Variants in BBS2 observed in about 807,000 individuals in gnomAD.
The protein encoded by BBS2 is Bardet-Biedl syndrome 2.
In BBS2, 62 loss-of-function variants were observed where a neutral mutation model predicts 83.0. The observed-to-expected ratio is 0.75, with a 90% CI of 0.61 to 0.92. BBS2 has a LOEUF of 0.92. Ranked by LOEUF, BBS2 falls within the 40% of genes least tolerant of loss-of-function variation. The pLI, the probability that BBS2 is intolerant of heterozygous loss-of-function variation, is 0.00. For missense variants in BBS2, 784 were observed against 901.0 expected, an observed-to-expected ratio of 0.87 and a Z score of 1.66; for synonymous variants, 303 against 326.1, an observed-to-expected ratio of 0.93 and a Z score of 0.76.
chr16:56,473,360 T>C (rs1460558139), intron 17 of BBS2, among the ~76,000 whole-genome samples: 1 of 152,256 alleles, frequency 6.6e-6, no homozygotes, highest in African/African-American at 2.4e-5. Context: ...TTGCAATCTA[T>C]TGGATCAGAT....
intron 15 of BBS2, among the ~76,000 whole-genome samples, chr16:56,490,151 A>ACACAC (rs1555520686): frequency 6.0e-5 from 9 of 149,446 alleles, no homozygotes; most frequent in African/African-American, 1.8e-4. Flanking sequence ...CACACACACA[A>ACACAC]AAATAATAAT....
At chr16:56,471,750 C>T (rs992587978) in intron 17 of BBS2, among the ~76,000 whole-genome samples, 1 of 152,202 alleles carries the variant, frequency 6.6e-6, no homozygotes, top group African/African-American at 2.4e-5. Context: ...ACTGAACAGT[C>T]ACTTTGGCCA....
chr16:56,519,927 G>T lies in BBS2; in HGVS notation c.-65C>A. 7.1e-7 allele frequency: 1 copy of T among 1,417,088 alleles called. No homozygotes were observed. Among genetic ancestry groups the T allele is most frequent in the East Asian group, 2.3e-5 (1 of 43,418 alleles). The allele number at this position is 1,417,088 out of a possible 1,614,324, so 87.8% of individuals were successfully genotyped here. A position where few individuals can be genotyped will look rare whatever the true frequency, so the allele number is the denominator to read the frequency against. ...ACAAGCGCAGCGGAGCTGGCCTCAC[G>T]CGCCCGGGCAAGAAGTGCAGGGACA... On this transcript the variant is annotated 5_prime_UTR_variant, in exon 1 of 17. Transcript: ENST00000245157.
At chr16:56,473,641 T>C (rs913514633) in intron 17 of BBS2, among the ~76,000 whole-genome samples, 3 of 152,218 alleles carry the variant, frequency 2.0e-5, no homozygotes, top group Non-Finnish European at 4.4e-5. Context: ...TAGGTGGAAA[T>C]GGCATTCGCC....
intron 1 of BBS2, among the ~76,000 whole-genome samples, chr16:56,517,980 C>T (rs1406976722): frequency 6.6e-6 from 1 of 152,096 alleles, no homozygotes; most frequent in African/African-American, 2.4e-5. Context: ...CCACACCTGG[C>T]TAATTTTTGT....
At chr16:56,483,788 C>T (rs183691875), downstream of BBS2, among the ~76,000 whole-genome samples, 457 of 151,862 alleles carry the variant, frequency 3.0e-3, 12 homozygotes, top group South Asian at 0.057. Context: ...CAACCTCCAC[C>T]TCCTGGGTTC....
chr16:56,485,463 A>C, intron 16 of BBS2, 127 bp downstream of exon 16: 1 of 1,272,370 alleles, frequency 7.9e-7, no homozygotes, highest in Non-Finnish European at 1.1e-6. Flanking sequence ...GACTGGTGCC[A>C]GCTCTGGAGT....
At chr16:56,492,122 T>C (rs1488431155) in intron 15 of BBS2, among the ~76,000 whole-genome samples, 1 of 152,094 alleles carries the variant, frequency 6.6e-6, no homozygotes, top group South Asian at 2.1e-4. Context: ...AAATTAAAAA[T>C]AGAACTACCA....
downstream of BBS2, chr16:56,484,253 G>A (rs368542933): frequency 3.6e-4 from 58 of 159,418 alleles, no homozygotes; most frequent in South Asian, 9.6e-3. Flanking sequence ...TGATCCGCCC[G>A]CCCTGGCCTC....
chr16:56,476,829 A>G (rs1963500279), intron 17 of BBS2: 1 of 152,292 alleles, frequency 6.6e-6, no homozygotes, highest in African/African-American at 2.4e-5. Context: ...GTTTTTTTAG[A>G]AAAACTCATA....
chr16:56,481,928 C>CT (rs549910053), downstream of BBS2, among the ~76,000 whole-genome samples: 555 of 152,312 alleles, frequency 3.6e-3, 3 homozygotes, highest in African/African-American at 0.012. Flanking sequence ...ACAGGACACT[C>CT]TGTCTTAGAG....
exon 18 of BBS2, chr16:56,470,659 A>G (rs2144033126): frequency 6.2e-7 from 1 of 1,614,184 alleles, no homozygotes; most frequent in East Asian, 2.2e-5. Context: ...GGCAGAAACC[A>G]CTGATATCAC....
intron 7 of BBS2, among the ~76,000 whole-genome samples, chr16:56,505,644 TTACTGTTG>T (rs1441113367): frequency 6.6e-6 from 1 of 152,230 alleles, no homozygotes; most frequent in African/African-American, 2.4e-5. Flanking sequence ...AACTCCTTTT[TTACTGTTG>T]TACTACCTAG....
chr16:56,473,662 T>C (rs946305027), intron 17 of BBS2, among the ~76,000 whole-genome samples: 1 of 152,232 alleles, frequency 6.6e-6, no homozygotes, highest in Admixed American at 6.5e-5. Context: ...TATCATTGAC[T>C]AATGGTGCGT....
chr16:56,508,272 T>C (rs928266792), intron 5 of BBS2, among the ~76,000 whole-genome samples: 2 of 152,160 alleles, frequency 1.3e-5, no homozygotes, highest in African/African-American at 4.8e-5. Context: ...ATGAGTGACA[T>C]GAAGCAAGTA....
At chr16:56,501,699 G>A (rs1964280622) in intron 9 of BBS2, 2 of 678,108 alleles carry the variant, frequency 2.9e-6, no homozygotes, top group Non-Finnish European at 2.5e-6. Context: ...AAATACCCTT[G>A]CATCTTTCTA....
In BBS2 at chr16:56,520,015, G is replaced by A. The variant is rs765406898; in HGVS notation, c.-153C>T. 57 of 687,124 alleles carry A rather than the reference G, an allele frequency of 8.3e-5. No homozygotes were observed. Among genetic ancestry groups the A allele is most frequent in the Non-Finnish European group, 1.2e-4 (46 of 380,990 alleles). The allele number at this position is 687,124 out of a possible 1,614,324, so 42.6% of individuals were successfully genotyped here. The stretch of plus-strand genomic sequence containing the variant: ...AAACAGCCCGGGACGAACCCGTCCA[G>A]GTACCGCCTGCTCCTCCTGCGGCGG... On this transcript the variant is annotated 5_prime_UTR_variant, in exon 1 of 17. Transcript: ENST00000245157.
chr16:56,494,098 A>T (rs1964041003), intron 15 of BBS2, among the ~76,000 whole-genome samples: 1 of 149,844 alleles, frequency 6.7e-6, no homozygotes, highest in African/African-American at 2.5e-5. Context: ...AACTAGGACT[A>T]CAGGCATGCA....
Position 56,473,033 on chromosome 16 carries a change from C to T in BBS2, c.*1-2338G>A, listed in dbSNP as rs149155200. 4.1e-3 allele frequency among the ~76,000 whole-genome samples: 625 copies of T among 152,248 alleles called. 4 individuals carry two copies. Among genetic ancestry groups the T allele is most frequent in the African/African-American group, 0.014 (582 of 41,550 alleles). On this transcript the variant is annotated intron_variant, in intron 17 of 17. Coordinates refer to the BBS2 transcript ENST00000682047. ...GCTACCTCCGTCTTCCGGGTTCAAG[C>T]GATTCTCCTGCCTCAGCCTCCCGAG...
Sources: allele counts gnomAD v4.1 joint callset (sites outside exome capture counted in the v4.1 genomes callset), GRCh38; gene constraint gnomAD v4.1.1; transcripts MANE v1.5; gene names NCBI Gene and HGNC (gene_info 2026-07-23, HGNC 2026-07-21).